Variants in SLC35F4 observed in about 807,000 individuals in gnomAD.
SLC35F4 encodes chromosome 14 open reading frame 36.
Under a neutral mutation model 44.2 loss-of-function variants are expected in SLC35F4, and 24 were observed. The observed-to-expected ratio is 0.54, with a 90% confidence interval of 0.39 to 0.76. SLC35F4 has a LOEUF of 0.76. Among genes scored for constraint, SLC35F4 ranks in the 30% least tolerant of loss-of-function variants. The pLI, the probability that SLC35F4 is intolerant of heterozygous loss-of-function variation, is 0.00. For synonymous variants in SLC35F4, 238 were observed against 223.6 expected, an observed-to-expected ratio of 1.06 and a Z score of -0.57; for missense variants, 562 against 586.1, an observed-to-expected ratio of 0.96 and a Z score of 0.42.
rs984360082 is a variant in SLC35F4, at chr14:57,784,238, G to A, written c.103+81485C>T. ...AGAGAATGAGAAAGACATAGAAGAA[G>A]CAGTGCCAGAAAAAAAATGATTTTA... On this transcript the variant is annotated intron_variant, in intron 1 of 7. Transcript: ENST00000556826. Among the ~76,000 whole-genome samples the A allele has an allele frequency of 8.5e-5, 13 of 152,264 alleles. No individual in the cohort carries two copies. The East Asian group carries it at 2.3e-3, about 27-fold the overall frequency.
Position 57,656,321 on chromosome 14 carries a change from C to T in SLC35F4, c.104-62197G>A, listed in dbSNP as rs2073968057. Among the ~76,000 whole-genome samples the T allele has an allele frequency of 2.7e-5, 4 of 148,848 alleles. 1 individual carries two copies. The South Asian group carries it at 8.7e-4, about 32-fold the overall frequency. On this transcript the variant is annotated intron_variant, in intron 1 of 7. Coordinates refer to ENST00000556826, the MANE Select transcript of SLC35F4 (RefSeq NM_001306087.2). Reference sequence around the variant, plus strand: ...CCCACACCCCCCACACACACTCACACATATATGCTTGAGGACACACACACA... The same window carrying T: ...CCCACACCCCCCACACACACTCACATATATATGCTTGAGGACACACACACA...
intron 1 of SLC35F4, among the ~76,000 whole-genome samples, chr14:57,950,956 C>T (rs1419109173): frequency 5.9e-5 from 9 of 152,116 alleles, no homozygotes; most frequent in East Asian, 1.9e-4. Flanking sequence ...CGAGCCACCA[C>T]GCCCGGCCTG....
Position 57,977,491 on chromosome 14 carries a change from C to T in SLC35F4, n.152-534G>A, listed in dbSNP as rs902381026. Among the ~76,000 whole-genome samples the T allele has an allele frequency of 9.2e-5, 14 of 152,212 alleles. 1 individual carries two copies. In the East Asian group the frequency reaches 2.7e-3, roughly 29 times the overall value. On this transcript the variant is annotated intron_variant and non_coding_transcript_variant, in intron 1 of 1. Coordinates refer to the SLC35F4 transcript ENST00000554648. Reference sequence around the variant, plus strand: ...AACCCTCCTGGAGAGCTACTGGGAACTGATAGAAAGTGATTGACTACAATC... The same window carrying T: ...AACCCTCCTGGAGAGCTACTGGGAATTGATAGAAAGTGATTGACTACAATC...
chr14:57,797,589 AG>A (rs34938762), intron 1 of SLC35F4, among the ~76,000 whole-genome samples: 1,968 of 152,326 alleles, frequency 0.013, 55 homozygotes, highest in African/African-American at 0.045. Flanking sequence ...TATGAAAAGT[AG>A]CTTAGGAGTA....
chr14:57,729,337 G>A (rs1489177343), intron 1 of SLC35F4, among the ~76,000 whole-genome samples: 1 of 152,122 alleles, frequency 6.6e-6, no homozygotes, highest in Non-Finnish European at 1.5e-5. Flanking sequence ...CACAAGAGCT[G>A]GAAATGTGCT....
At chr14:57,921,814 A>G (rs1889449447) in intron 1 of SLC35F4, among the ~76,000 whole-genome samples, 1 of 152,218 alleles carries the variant, frequency 6.6e-6, no homozygotes. Flanking sequence ...TACATCTGCA[A>G]TGACCCTATT....
intron 1 of SLC35F4, among the ~76,000 whole-genome samples, chr14:57,815,836 AT>A (rs1488592222): frequency 6.6e-6 from 1 of 152,144 alleles, no homozygotes; most frequent in African/African-American, 2.4e-5. Flanking sequence ...ATAGGCACAA[AT>A]TTTTTTAAGT....
chr14:57,745,667 G>T (rs1048927209), intron 1 of SLC35F4, among the ~76,000 whole-genome samples: 7 of 152,152 alleles, frequency 4.6e-5, no homozygotes, highest in Non-Finnish European at 4.4e-5. Context: ...ACTGTGGAAG[G>T]CAGTGTGGCG....
At chr14:57,652,410 A>G (rs1314918743) in intron 1 of SLC35F4, among the ~76,000 whole-genome samples, 1 of 152,174 alleles carries the variant, frequency 6.6e-6, no homozygotes, top group Admixed American at 6.6e-5. Flanking sequence ...ATTTTGTCCC[A>G]GGAGGAATTA....
chr14:57,759,544 C>T (rs1053149872), intron 1 of SLC35F4, among the ~76,000 whole-genome samples: 1 of 152,066 alleles, frequency 6.6e-6, no homozygotes, highest in Non-Finnish European at 1.5e-5. Flanking sequence ...TGTGCCACTG[C>T]ACTCCAGCCT....
At chr14:57,739,907 T>A (rs1330646546) in intron 1 of SLC35F4, among the ~76,000 whole-genome samples, 1 of 152,216 alleles carries the variant, frequency 6.6e-6, no homozygotes, top group African/African-American at 2.4e-5. Context: ...CTGCCCAGGC[T>A]GGAGTGCAGT....
At chr14:57,703,694 T>C (rs2075599692) in intron 1 of SLC35F4, among the ~76,000 whole-genome samples, 1 of 152,206 alleles carries the variant, frequency 6.6e-6, no homozygotes, top group Non-Finnish European at 1.5e-5. Flanking sequence ...TCATACTCTT[T>C]TGACTTACTA....
At chr14:57,719,798 T>G (rs1366157914) in intron 1 of SLC35F4, among the ~76,000 whole-genome samples, 1 of 152,164 alleles carries the variant, frequency 6.6e-6, no homozygotes, top group African/African-American at 2.4e-5. Flanking sequence ...TTGGATACCC[T>G]TTATTTTTTT....
intron 1 of SLC35F4, among the ~76,000 whole-genome samples, chr14:57,695,626 A>T (rs556148351): frequency 1.3e-5 from 2 of 152,156 alleles, no homozygotes; most frequent in South Asian, 4.2e-4. Context: ...TTCCTCAGGG[A>T]TCTAGAACTA....
chr14:57,819,069 G>T (rs1287480429), intron 1 of SLC35F4, among the ~76,000 whole-genome samples: 1 of 152,106 alleles, frequency 6.6e-6, no homozygotes, highest in Non-Finnish European at 1.5e-5. Context: ...AGGGGAATAA[G>T]AATTAGAAGA....
At position 57,865,900 on chromosome 14, in the gene SLC35F4, G is replaced by T. The variant is rs1888127278; in HGVS notation, c.-75C>A. 2.9e-6 allele frequency: 3 copies of T among 1,050,570 alleles called. No homozygotes were observed. Among genetic ancestry groups the T allele is most frequent in the Non-Finnish European group, 4.0e-6 (3 of 754,782 alleles). 65.1% of individuals were successfully genotyped at this position (1,050,570 alleles called of 1,614,324 possible). A position where few individuals can be genotyped will look rare whatever the true frequency, so the allele number is the denominator to read the frequency against. ...GCGGGGCCCGGGAGCTGGTGCAGGT[G>T]CCGGAGCCGCTGGTGCTGATCTTGC... On this transcript the variant is annotated 5_prime_UTR_variant, in exon 1 of 8. Coordinates refer to ENST00000556826, the MANE Select transcript of SLC35F4 (RefSeq NM_001306087.2).
chr14:57,779,066 G>C (rs1184756181), intron 1 of SLC35F4, among the ~76,000 whole-genome samples: 1 of 151,916 alleles, frequency 6.6e-6, no homozygotes, highest in Non-Finnish European at 1.5e-5. Flanking sequence ...AAAAGAACTA[G>C]AGAAGCAAGA....
At chr14:57,972,923 C>T (rs1043869006), downstream of SLC35F4, among the ~76,000 whole-genome samples, 1 of 152,234 alleles carries the variant, frequency 6.6e-6, no homozygotes, top group South Asian at 2.1e-4. Context: ...GGAGAAGGCT[C>T]ACTGTGAGTT....
At chr14:57,682,236 G>T (rs2074928980) in intron 1 of SLC35F4, among the ~76,000 whole-genome samples, 1 of 152,078 alleles carries the variant, frequency 6.6e-6, no homozygotes, top group South Asian at 2.1e-4. Flanking sequence ...CAAAGACTTG[G>T]AACCAAGCCA....
Sources: gnomAD v4.1 joint callset for allele counts (sites outside exome capture counted in the v4.1 genomes callset) on GRCh38, gnomAD v4.1.1 for gene constraint, MANE v1.5 for transcripts, NCBI Gene and HGNC (gene_info 2026-07-23, HGNC 2026-07-21) for gene names.